FGR: variants seen among roughly 807,000 people sequenced by gnomAD.
FGR encodes FGR proto-oncogene, Src family tyrosine kinase.
A neutral mutation model predicts 63.2 loss-of-function variants in FGR; 26 were observed. That is an observed-to-expected ratio of 0.41 (90% CI 0.30 to 0.57). The LOEUF is 0.57. FGR is among the 20% of genes least tolerant of loss of function. FGR has a pLI of 0.27. For missense variants in FGR, 511 were observed against 690.8 expected, an observed-to-expected ratio of 0.74 and a Z score of 2.92; for synonymous variants, 286 against 277.7, an observed-to-expected ratio of 1.03 and a Z score of -0.30.
At position 27,623,748 on chromosome 1, in the gene FGR, A is replaced by G; in HGVS notation, c.169T>C (p.Ser57Pro). The change falls in exon 3 of 13, where the codon TCC (serine) becomes CCC (proline). Residue 57 changes from serine to proline, a missense_variant. Physicochemically the swap from Ser to Pro is moderately conservative, Grantham distance 74. Coordinates refer to ENST00000374005, the MANE Select transcript of FGR (RefSeq NM_005248.3). ...AAGCCAGGGTTGATGGCCTGAGAGG[A>G]GAAGTTGCTGTAGTTGGGGATGTGG... ...FAHIPNYSNF[S>P]SQAINPGFLD... 6.2e-7 allele frequency: 1 copy of G among 1,614,126 alleles called. No homozygotes were observed. Among genetic ancestry groups the G allele is most frequent in the Non-Finnish European group, 8.5e-7 (1 of 1,180,016 alleles).
chr1:27,626,373 C>T, intron 1 of FGR: 1 of 396,452 alleles, frequency 2.5e-6, no homozygotes, highest in Admixed American at 4.4e-5. Context: ...CCCAGCTTCT[C>T]TCTCTCGATC....
rs2089842360 is a variant in FGR at position 27,617,788 on chromosome 1, A to G, written c.429-492T>C. 6.6e-6 allele frequency among the ~76,000 whole-genome samples: 1 copy of G among 152,082 alleles called. No individual in the cohort carries two copies. The highest frequency in any genetic ancestry group is 6.6e-5 in the Admixed American group (1 of 15,262). The stretch of plus-strand genomic sequence containing the variant: ...AACTCTTTCCTCCTTTGGCCTCCAG[A>G]GCAGCACAGTCTCCTGCTTCTCTTC... On this transcript the variant is annotated intron_variant, in intron 5 of 12. Transcript: ENST00000374005. The surrounding 1 kb of genome is among the most constrained non-coding windows in gnomAD (Gnocchi z 4.5).
chr1:27,623,811 G>A lies in FGR; in HGVS notation c.106C>T (p.Pro36Ser), dbSNP rs770509406. 11 of 1,614,178 alleles carry A rather than the reference G, an allele frequency of 6.8e-6. No individual in the cohort carries two copies. Among genetic ancestry groups the A allele is most frequent in the Non-Finnish European group, 9.3e-6 (11 of 1,180,026 alleles). Reference sequence around the variant, plus strand: ...GCAGGCCGGGCCTTAGTGGGGTCAGGCCCATAGTGGTCTGCTGCCCCGTAG... The same window carrying A: ...GCAGGCCGGGCCTTAGTGGGGTCAGACCCATAGTGGTCTGCTGCCCCGTAG... ...RSYGAADHYG[P>S]DPTKARPASS... Residue 36 changes from proline (P) to serine (S), a missense_variant, in exon 3 of 13, where the codon CCT becomes TCT. Transcript: ENST00000374005.
chr1:27,622,999 C>T (rs1254103157), intron 4 of FGR, 43 bp downstream of exon 4: 4 of 1,438,082 alleles, frequency 2.8e-6, no homozygotes, highest in African/African-American at 2.8e-5. Flanking sequence ...GTGTCCTGCT[C>T]CCAGCCCAGG....
chr1:27,618,218 G>A (rs1435667669), intron 5 of FGR, among the ~76,000 whole-genome samples: 1 of 152,088 alleles, frequency 6.6e-6, no homozygotes, highest in South Asian at 2.1e-4. Context: ...GAAGTGTTGA[G>A]GGACTGTATA....
intron 1 of FGR, among the ~76,000 whole-genome samples, chr1:27,632,910 C>T (rs1223517824): frequency 6.6e-6 from 1 of 152,104 alleles, no homozygotes; most frequent in African/African-American, 2.4e-5. Context: ...TGGGAAGAGC[C>T]CTGGCCCCTA....
In FGR at chr1:27,612,977, C is replaced by T; in HGVS notation, c.1527G>A (p.Gln509=). 6.2e-7 allele frequency: 1 copy of T among 1,614,212 alleles called. No individual in the cohort carries two copies. The highest frequency in any genetic ancestry group is 8.5e-7 in the Non-Finnish European group (1 of 1,180,022). ...PEERPTFEYL[Q]SFLEDYFTSA... Reference sequence around the variant, plus strand: ...AGGTGAAGTAGTCCTCCAGGAAGGACTGCAGGTACTCGAAGGTAGGCCTCT... The same window carrying T: ...AGGTGAAGTAGTCCTCCAGGAAGGATTGCAGGTACTCGAAGGTAGGCCTCT... The change falls in exon 13 of 13, where the codon CAG becomes CAA. Residue 509 remains glutamine (Q), a synonymous_variant. Transcript: ENST00000374005.
At chr1:27,621,959 C>T (rs2089937164) in intron 4 of FGR, among the ~76,000 whole-genome samples, 1 of 152,140 alleles carries the variant, frequency 6.6e-6, no homozygotes, top group Non-Finnish European at 1.5e-5. Flanking sequence ...CACTTCCCCA[C>T]AGAAAATGGC....
At position 27,623,849 on chromosome 1, in the gene FGR, C is replaced by A. The variant is rs555769133; in HGVS notation, c.68G>T (p.Gly23Val). Residue 23 changes from glycine (G) to valine (V), a missense_variant, in exon 3 of 13, where the codon GGG (glycine) becomes GTG (valine). Physicochemically the swap from Gly to Val is moderately radical, Grantham distance 109 (BLOSUM62 -3). Transcript: ENST00000374005. ...ATAKEDAGLE[G>V]DFRSYGAADH... ...TGCTGCCCCGTAGCTTCTGAAGTCC[C>A]CTTCCAGGCCAGCATCCTCCTTGGC... is the stretch of plus-strand genomic sequence containing the variant. 6.2e-7 allele frequency: 1 copy of A among 1,613,336 alleles called. No individual in the cohort carries two copies. The highest frequency in any genetic ancestry group is 8.5e-7 in the Non-Finnish European group (1 of 1,179,320).
At position 27,617,418 on chromosome 1, in the gene FGR, C is replaced by T; in HGVS notation, c.429-122G>A. 1.5e-6 allele frequency: 1 copy of T among 682,182 alleles called. No individual in the cohort carries two copies. Among genetic ancestry groups the T allele is most frequent in the Non-Finnish European group, 2.6e-6 (1 of 381,034 alleles). 42.3% of individuals were successfully genotyped at this position (682,182 alleles called of 1,614,324 possible). A position where few individuals can be genotyped will look rare whatever the true frequency, so the allele number is the denominator to read the frequency against. ...CATGTGTAAAATGGGGCTGGTACAC[C>T]TGCTTCACATCCTGGCTGGGAGGGT... On this transcript the variant is annotated intron_variant, in intron 5 of 12. Transcript: ENST00000374005. The surrounding 1 kb of genome is among the most constrained non-coding windows in gnomAD (Gnocchi z 4.5).
At chr1:27,624,617 G>A (rs527281276) in intron 2 of FGR, among the ~76,000 whole-genome samples, 2 of 152,156 alleles carry the variant, frequency 1.3e-5, no homozygotes, top group East Asian at 3.9e-4. Flanking sequence ...GTGTGTATAC[G>A]AGAGTGTATA....
At chr1:27,623,603 G>C (rs952219172) in intron 3 of FGR, 88 bp downstream of exon 3, 2 of 1,323,708 alleles carry the variant, frequency 1.5e-6, no homozygotes, top group African/African-American at 2.9e-5. Flanking sequence ...CCTCCTGGAG[G>C]CTCCTAAGGG....
chr1:27,622,281 T>G, intron 4 of FGR, among the ~76,000 whole-genome samples: 1 of 104,136 alleles, frequency 9.6e-6, no homozygotes, highest in East Asian at 3.1e-4. Context: ...AGAGCGAGAC[T>G]CCAACTCAAA....
chr1:27,624,029 G>T, intron 2 of FGR, 100 bp from the exon 3 acceptor site: 1 of 1,052,060 alleles, frequency 9.5e-7, no homozygotes, highest in Non-Finnish European at 1.4e-6. Context: ...CAGGCACGTG[G>T]CTTTCCCTCT....
At chr1:27,613,176 C>A in intron 12 of FGR, 43 bp downstream of exon 12, 1 of 1,609,950 alleles carries the variant, frequency 6.2e-7, no homozygotes, top group East Asian at 2.2e-5. Flanking sequence ...AGCCCTTCCC[C>A]GTGACCATCC....
At chr1:27,621,516 G>A (rs2089924835) in intron 5 of FGR, 43 bp downstream of exon 5, 1 of 1,465,356 alleles carries the variant, frequency 6.8e-7, no homozygotes. Flanking sequence ...CTGGACTCCA[G>A]GGTCCTGTCC....
At position 27,613,484 on chromosome 1, in the gene FGR, C is replaced by T. The variant is rs1259847522; in HGVS notation, c.1250-134G>A. 4 of 939,284 alleles carry T rather than the reference C, an allele frequency of 4.3e-6. No individual in the cohort carries two copies. The Admixed American group carries it at 9.9e-5, about 23-fold the overall frequency. The allele number at this position is 939,284 out of a possible 1,614,324, so 58.2% of individuals were successfully genotyped here. On this transcript the variant is annotated intron_variant, in intron 11 of 12. Coordinates refer to ENST00000374005, the MANE Select transcript of FGR (RefSeq NM_005248.3). ...TTGGGAGGCCAAGGCAGGCGGATCA[C>T]TTGAGGTCAGGAGTTTGAGACCAGC...
At chr1:27,632,482 C>T (rs187363465) in intron 1 of FGR, among the ~76,000 whole-genome samples, 10 of 152,186 alleles carry the variant, frequency 6.6e-5, no homozygotes, top group Admixed American at 2.0e-4. Context: ...CTTGAGGCCT[C>T]GAAACTGCCT....
At chr1:27,614,804 T>A in intron 10 of FGR, 46 bp downstream of exon 10, 2 of 1,516,842 alleles carry the variant, frequency 1.3e-6, no homozygotes, top group Non-Finnish European at 1.8e-6. Flanking sequence ...TTGTGAACAG[T>A]TAATAGGTGG....
Sources: allele counts gnomAD v4.1 joint callset (sites outside exome capture counted in the v4.1 genomes callset), GRCh38; gene constraint gnomAD v4.1.1; non-coding constraint Gnocchi (gnomAD v3.1); transcripts MANE v1.5; gene names NCBI Gene and HGNC (gene_info 2026-07-23, HGNC 2026-07-21).